The following CLVS1 variants were observed in gnomAD, a reference collection of about 807,000 sequenced individuals.
CLVS1 encodes clavesin-1.
In CLVS1, 10 loss-of-function variants were observed where a neutral mutation model predicts 33.1. The ratio of observed to expected loss-of-function variants is 0.30; its 90% confidence interval spans 0.19 to 0.51. The LOEUF is 0.51. CLVS1 is among the 20% of genes least tolerant of loss of function. The pLI, the probability that CLVS1 is intolerant of heterozygous loss-of-function variation, is 0.97. For synonymous variants in CLVS1, 163 were observed against 166.1 expected (o/e 0.98, Z 0.14); for missense variants, 343 against 433.4 (o/e 0.79, Z 1.85).
chr8:61,169,335 G>T (rs1306013530), intron 2 of CLVS1, among the ~76,000 whole-genome samples: 3 of 152,104 alleles, frequency 2.0e-5, no homozygotes, highest in Non-Finnish European at 4.4e-5. Flanking sequence ...CACAGGGAGA[G>T]GCTCTTTCTA....
At chr8:61,149,571 A>AAAAAAAAAC (rs1252529979) in intron 2 of CLVS1, among the ~76,000 whole-genome samples, 1 of 149,864 alleles carries the variant, frequency 6.7e-6, no homozygotes, top group African/African-American at 2.5e-5. Flanking sequence ...AAAAAAAACA[A>AAAAAAAAAC]AAAACAAAAC....
intron 2 of CLVS1, among the ~76,000 whole-genome samples, chr8:61,213,034 C>T (rs1420870887): frequency 1.3e-5 from 2 of 152,030 alleles, no homozygotes; most frequent in East Asian, 2.0e-4. Context: ...TTTGGTCCCA[C>T]TATCCCTCAC....
At chr8:61,188,684 C>T (rs2129302185) in intron 2 of CLVS1, among the ~76,000 whole-genome samples, 1 of 152,030 alleles carries the variant, frequency 6.6e-6, no homozygotes. Flanking sequence ...TATTAATGAA[C>T]TGGAAGACTA....
chr8:61,216,088 GC>G (rs1585696011), intron 2 of CLVS1, among the ~76,000 whole-genome samples: 1 of 152,194 alleles, frequency 6.6e-6, no homozygotes, highest in East Asian at 1.9e-4. Context: ...CTCCTAGACT[GC>G]CTTGGGGATT....
chr8:61,322,425 G>A (rs980827661), intron 2 of CLVS1, among the ~76,000 whole-genome samples: 3 of 152,150 alleles, frequency 2.0e-5, no homozygotes, highest in African/African-American at 7.2e-5. Flanking sequence ...CATGAGGGAT[G>A]AGAGATGGAA....
At chr8:61,033,527 G>C in the CLVS1 span, among the ~76,000 whole-genome samples, 2 of 152,184 alleles carry the variant, frequency 1.3e-5, no homozygotes, top group South Asian at 2.1e-4. Flanking sequence ...TACTGGGTGA[G>C]GGGGGAAACC....
chr8:61,217,632 CA>C (rs1808118448), intron 2 of CLVS1, among the ~76,000 whole-genome samples: 1 of 152,080 alleles, frequency 6.6e-6, no homozygotes, highest in South Asian at 2.1e-4. Flanking sequence ...GCACAGGCAA[CA>C]AAAGCAAAAG....
intron 2 of CLVS1, among the ~76,000 whole-genome samples, chr8:61,148,139 T>G (rs943581463): frequency 6.6e-6 from 1 of 152,234 alleles, no homozygotes; most frequent in African/African-American, 2.4e-5. Context: ...CTTTATTCTT[T>G]GGGTCCTGAA....
At chr8:61,273,982 G>C (rs1275101157) in intron 2 of CLVS1, 1 of 157,928 alleles carries the variant, frequency 6.3e-6, no homozygotes, top group Non-Finnish European at 1.4e-5. Context: ...CTGTAGACCG[G>C]AGCTGTTCCT....
chr8:61,150,247 A>G (rs1353568370), intron 2 of CLVS1, among the ~76,000 whole-genome samples: 3 of 152,100 alleles, frequency 2.0e-5, no homozygotes, highest in Non-Finnish European at 4.4e-5. Context: ...CTCTTCTCCA[A>G]GCCCAGGAAT....
intron 3 of CLVS1, among the ~76,000 whole-genome samples, chr8:61,428,676 A>G (rs1000086099): frequency 6.6e-6 from 1 of 152,216 alleles, no homozygotes; most frequent in Non-Finnish European, 1.5e-5. Flanking sequence ...GCAGAGAAAT[A>G]TAGTCAACCC....
At chr8:61,424,047 A>T (rs1815785073) in intron 3 of CLVS1, among the ~76,000 whole-genome samples, 1 of 152,224 alleles carries the variant, frequency 6.6e-6, no homozygotes, top group Non-Finnish European at 1.5e-5. Flanking sequence ...ACACGCACAC[A>T]AACATGCACA....
chr8:61,122,242 A>G (rs1469498749), intron 1 of CLVS1, among the ~76,000 whole-genome samples: 1 of 152,198 alleles, frequency 6.6e-6, no homozygotes, highest in Non-Finnish European at 1.5e-5. Flanking sequence ...TAATACAGAT[A>G]CTGGTACATT....
chr8:61,260,140 C>G (rs1809169292), intron 2 of CLVS1, among the ~76,000 whole-genome samples: 1 of 152,194 alleles, frequency 6.6e-6, no homozygotes, highest in South Asian at 2.1e-4. Flanking sequence ...CTTTATTACT[C>G]TATTCTGGTT....
intron 2 of CLVS1, among the ~76,000 whole-genome samples, chr8:61,184,566 T>C (rs1227715793): frequency 6.6e-6 from 1 of 152,098 alleles, no homozygotes; most frequent in Admixed American, 6.5e-5. Flanking sequence ...GCCCTCCCTG[T>C]GGGGCACTAG....
intron 2 of CLVS1, among the ~76,000 whole-genome samples, chr8:61,230,083 T>G (rs751293555): frequency 6.6e-6 from 1 of 152,148 alleles, no homozygotes; most frequent in Admixed American, 6.6e-5. Flanking sequence ...GTGAGGGGCC[T>G]CAGGGTCGGG....
chr8:61,288,861 TTTC>T (rs1245680590), intron 1 of CLVS1, among the ~76,000 whole-genome samples: 1 of 152,242 alleles, frequency 6.6e-6, no homozygotes, highest in Non-Finnish European at 1.5e-5. Flanking sequence ...AATTAAGTTT[TTTC>T]TTCTTTTTTC....
chr8:61,055,781 A>G (rs575715728), upstream of CLVS1, among the ~76,000 whole-genome samples: 15 of 152,364 alleles, frequency 9.8e-5, no homozygotes, highest in Non-Finnish European at 2.9e-5. Flanking sequence ...AACTACTACA[A>G]TAGAAAAGTC....
intron 2 of CLVS1, among the ~76,000 whole-genome samples, chr8:61,282,888 T>C (rs1313468547): frequency 6.6e-6 from 1 of 152,178 alleles, no homozygotes; most frequent in Non-Finnish European, 1.5e-5. Context: ...ATGGAAACTA[T>C]AGTACTCTGT....
Sources: gnomAD v4.1 joint callset for allele counts (sites outside exome capture counted in the v4.1 genomes callset) on GRCh38, gnomAD v4.1.1 for gene constraint, MANE v1.5 for transcripts, NCBI Gene and HGNC (gene_info 2026-07-23, HGNC 2026-07-21) for gene names.